Variants in ASPH observed in about 807,000 individuals in gnomAD.
ASPH encodes aspartate beta-hydroxylase.
Under a neutral mutation model 118.4 loss-of-function variants are expected in ASPH, and 100 were observed. The observed-to-expected ratio is 0.84, with a 90% CI of 0.72 to 1.00. The LOEUF is 1.00. Ranked by LOEUF, ASPH falls within the 50% of genes least tolerant of loss-of-function variation. ASPH has a pLI of 0.00. For synonymous variants in ASPH, 315 were observed against 325.6 expected, an observed-to-expected ratio of 0.97 and a Z score of 0.35; for missense variants, 920 against 919.5, an observed-to-expected ratio of 1.00 and a Z score of -0.01.
At chr8:61,672,073 A>G (rs1006414220) in intron 3 of ASPH, among the ~76,000 whole-genome samples, 2 of 152,226 alleles carry the variant, frequency 1.3e-5, no homozygotes, top group Non-Finnish European at 2.9e-5. Flanking sequence ...AATCATTTCA[A>G]CATTGACTAC....
intron 22 of ASPH, among the ~76,000 whole-genome samples, chr8:61,521,064 G>A (rs1812788552): frequency 1.3e-5 from 2 of 152,182 alleles, no homozygotes; most frequent in Non-Finnish European, 1.5e-5. Context: ...GAATGCAACG[G>A]CAGTTCCTTG....
chr8:61,546,530 C>T (rs1823934085), intron 21 of ASPH, among the ~76,000 whole-genome samples: 1 of 152,182 alleles, frequency 6.6e-6, no homozygotes, highest in Admixed American at 6.5e-5. Context: ...TGTTCTTGTG[C>T]TATTTCTAAT....
At chr8:61,557,217 C>T (rs1828177748) in intron 18 of ASPH, among the ~76,000 whole-genome samples, 1 of 152,124 alleles carries the variant, frequency 6.6e-6, no homozygotes, top group African/African-American at 2.4e-5. Context: ...GGTCAGATCT[C>T]AACCCTCCTC....
chr8:61,541,308 G>A (rs1269076723), intron 21 of ASPH, among the ~76,000 whole-genome samples: 4 of 152,124 alleles, frequency 2.6e-5, no homozygotes, highest in Admixed American at 6.5e-5. Flanking sequence ...AGCTTGCAGC[G>A]AGCTGAGATT....
At chr8:61,522,867 G>C (rs1813639526) in intron 22 of ASPH, among the ~76,000 whole-genome samples, 1 of 152,028 alleles carries the variant, frequency 6.6e-6, no homozygotes, top group African/African-American at 2.4e-5. Flanking sequence ...ATTGGGTCAG[G>C]GCCTCATCCT....
At chr8:61,691,686 G>T (rs1467854344) in intron 1 of ASPH, among the ~76,000 whole-genome samples, 1 of 152,158 alleles carries the variant, frequency 6.6e-6, no homozygotes, top group African/African-American at 2.4e-5. Context: ...TTGCTTCACG[G>T]CTTCTCCATT....
At chr8:61,543,574 C>T (rs886862948) in intron 21 of ASPH, among the ~76,000 whole-genome samples, 11 of 152,138 alleles carry the variant, frequency 7.2e-5, no homozygotes, top group Non-Finnish European at 1.2e-4. Flanking sequence ...AACATACTGA[C>T]GATAGCTGAC....
intron 13 of ASPH, chr8:61,626,242 C>A: frequency 1.3e-6 from 2 of 1,545,958 alleles, no homozygotes; most frequent in East Asian, 2.4e-5. Flanking sequence ...GCTGGTCCTC[C>A]TGTGGTGGTA....
intron 21 of ASPH, among the ~76,000 whole-genome samples, chr8:61,545,927 TTAGATGA>T (rs1287797940): frequency 1.3e-5 from 2 of 152,220 alleles, no homozygotes; most frequent in African/African-American, 4.8e-5. Context: ...TTACTGGTCC[TTAGATGA>T]TAGAGAGGTA....
chr8:61,535,281 G>A (rs2129745839), intron 21 of ASPH, among the ~76,000 whole-genome samples: 1 of 152,242 alleles, frequency 6.6e-6, no homozygotes, highest in East Asian at 1.9e-4. Flanking sequence ...CAGATGGAAG[G>A]GGATCAAGAA....
At chr8:61,666,034 A>T (rs1375205802) in intron 3 of ASPH, among the ~76,000 whole-genome samples, 1 of 152,190 alleles carries the variant, frequency 6.6e-6, no homozygotes, top group Non-Finnish European at 1.5e-5. Flanking sequence ...GCTCAAAAAC[A>T]TATGTCCTTA....
chr8:61,594,970 T>C (rs557156509), intron 14 of ASPH, among the ~76,000 whole-genome samples: 1 of 152,238 alleles, frequency 6.6e-6, no homozygotes, highest in Non-Finnish European at 1.5e-5. Flanking sequence ...TTGACCGATG[T>C]TTGTTCAGAA....
chr8:61,551,035 G>A (rs10097222), intron 20 of ASPH, among the ~76,000 whole-genome samples: 81,294 of 152,146 alleles, frequency 0.53, 25,722 homozygotes, highest in Non-Finnish European at 0.7. Flanking sequence ...AGACAAGTAA[G>A]TTGTCTCTGT....
chr8:61,703,836 AAGT>A (rs1398350655), intron 1 of ASPH, among the ~76,000 whole-genome samples: 1 of 152,194 alleles, frequency 6.6e-6, no homozygotes, highest in Non-Finnish European at 1.5e-5. Context: ...AGGAACAACA[AAGT>A]AGGAGGATTT....
chr8:61,632,762 C>T, intron 13 of ASPH: 1 of 277,612 alleles, frequency 3.6e-6, no homozygotes, highest in Non-Finnish European at 7.2e-6. Context: ...ATTATTTTAT[C>T]CTTTTTTATC....
chr8:61,615,411 T>A (rs1380387063), intron 14 of ASPH, among the ~76,000 whole-genome samples: 2 of 152,112 alleles, frequency 1.3e-5, no homozygotes, highest in Admixed American at 1.3e-4. Context: ...TCACACTGCC[T>A]CTTATATTTT....
chr8:61,597,193 C>CA (rs1842722536), intron 14 of ASPH, among the ~76,000 whole-genome samples: 1 of 87,528 alleles, frequency 1.1e-5, no homozygotes, highest in African/African-American at 3.7e-5. Context: ...ATAATCCAGT[C>CA]AGGAAAAAAA....
intron 13 of ASPH, among the ~76,000 whole-genome samples, chr8:61,626,753 C>T (rs941305446): frequency 2.0e-5 from 3 of 150,540 alleles, no homozygotes; most frequent in African/African-American, 7.3e-5. Context: ...AAATATATTG[C>T]TTTGAAAATT....
At chr8:61,634,688 G>C (rs905835109) in intron 12 of ASPH, among the ~76,000 whole-genome samples, 1 of 151,974 alleles carries the variant, frequency 6.6e-6, no homozygotes, top group Non-Finnish European at 1.5e-5. Context: ...GCTTTTAATA[G>C]GTTTGCCTGT....
Sources: gnomAD v4.1 joint callset for allele counts (sites outside exome capture counted in the v4.1 genomes callset) on GRCh38, gnomAD v4.1.1 for gene constraint, MANE v1.5 for transcripts, NCBI Gene and HGNC (gene_info 2026-07-23, HGNC 2026-07-21) for gene names.